Variants in NEGR1 observed in about 807,000 individuals in gnomAD.
The protein encoded by NEGR1 is IgLON family member 4.
A neutral mutation model predicts 40.9 loss-of-function variants in NEGR1; 10 were observed. The observed-to-expected ratio is 0.24, with a 90% CI of 0.15 to 0.42. The LOEUF (loss-of-function observed/expected upper bound fraction) is 0.42. Among genes scored for constraint, NEGR1 ranks in the 10% least tolerant of loss-of-function variants. The probability of loss-of-function intolerance (pLI) is 1.00; values close to 1 mark genes in which losing one functional copy is unlikely to be tolerated. For synonymous variants in NEGR1, 185 were observed against 166.8 expected, an observed-to-expected ratio of 1.11 and a Z score of -0.84; for missense variants, 352 against 438.9, an observed-to-expected ratio of 0.80 and a Z score of 1.77.
At chr1:72,191,481 A>G (rs962665800) in intron 1 of NEGR1, among the ~76,000 whole-genome samples, 2 of 151,800 alleles carry the variant, frequency 1.3e-5, no homozygotes, top group Non-Finnish European at 2.9e-5. Flanking sequence ...GCTTACTTCA[A>G]CTGGTTTTTG....
intron 1 of NEGR1, among the ~76,000 whole-genome samples, chr1:72,210,110 C>A (rs1166802083): frequency 6.6e-6 from 1 of 151,856 alleles, no homozygotes; most frequent in Non-Finnish European, 1.5e-5. Flanking sequence ...TCCAACTGTG[C>A]TCCATGGTGT....
intron 4 of NEGR1, among the ~76,000 whole-genome samples, chr1:71,624,691 T>A (rs551902456): frequency 6.6e-6 from 1 of 151,910 alleles, no homozygotes; most frequent in Non-Finnish European, 1.5e-5. Context: ...CCCTCAGATA[T>A]TGACATGTCG....
intron 3 of NEGR1, among the ~76,000 whole-genome samples, chr1:71,725,521 CAAGT>C (rs1388021235): frequency 2.0e-5 from 3 of 152,026 alleles, no homozygotes; most frequent in Admixed American, 1.3e-4. Flanking sequence ...AGTTGCATCA[CAAGT>C]AAGAAGCGTA....
intron 1 of NEGR1, among the ~76,000 whole-genome samples, chr1:72,154,207 CAATT>C (rs1223032253): frequency 1.3e-5 from 2 of 151,616 alleles, no homozygotes; most frequent in African/African-American, 4.8e-5. Flanking sequence ...AAGAGGGAGA[CAATT>C]AAGACACAGA....
At chr1:72,150,762 A>G (rs1651096094) in intron 1 of NEGR1, among the ~76,000 whole-genome samples, 1 of 152,160 alleles carries the variant, frequency 6.6e-6, no homozygotes, top group Admixed American at 6.5e-5. Flanking sequence ...ATTACAGTCT[A>G]TAATATGAGA....
In NEGR1 at chr1:71,707,514, C is replaced by T. The variant is rs565937354; in HGVS notation, c.536-9375G>A. Among the ~76,000 whole-genome samples the T allele has an allele frequency of 7.2e-5, 11 of 152,262 alleles. No homozygotes were observed. The South Asian group carries it at 2.1e-3, about 29-fold the overall frequency. On this transcript the variant is annotated intron_variant, in intron 3 of 6. Coordinates refer to ENST00000357731, the MANE Select transcript of NEGR1 (RefSeq NM_173808.3). ...AAGATCAGGTATACTTCTAAGGTTT[C>T]TGACTCTAGTCCCTGACTCTCAGAT...
At chr1:72,088,472 T>C (rs1294908269) in intron 1 of NEGR1, among the ~76,000 whole-genome samples, 1 of 152,156 alleles carries the variant, frequency 6.6e-6, no homozygotes, top group African/African-American at 2.4e-5. Context: ...AAGAGCCTTA[T>C]TCACCTCAGA....
chr1:72,167,006 T>C (rs552958991), intron 1 of NEGR1, among the ~76,000 whole-genome samples: 8 of 152,108 alleles, frequency 5.3e-5, no homozygotes, highest in Non-Finnish European at 1.2e-4. Flanking sequence ...TCAAGTGAAA[T>C]GATTTGCCTA....
chr1:71,551,382 G>A (rs991980238), intron 6 of NEGR1, among the ~76,000 whole-genome samples: 11 of 151,530 alleles, frequency 7.3e-5, no homozygotes, highest in African/African-American at 2.7e-4. Context: ...GGCATATTCA[G>A]ACAGCCATAC....
At chr1:71,419,001 A>G (rs1303925785) in intron 6 of NEGR1, among the ~76,000 whole-genome samples, 2 of 152,190 alleles carry the variant, frequency 1.3e-5, no homozygotes, top group Non-Finnish European at 1.5e-5. Context: ...AGCTATTGCT[A>G]TGACAACTGG....
chr1:71,462,433 T>C (rs1196622710), intron 6 of NEGR1, among the ~76,000 whole-genome samples: 1 of 152,120 alleles, frequency 6.6e-6, no homozygotes, highest in African/African-American at 2.4e-5. Flanking sequence ...GTTCTCAAGG[T>C]AGTTCCCTTT....
chr1:71,776,082 G>GT (rs1455250335), intron 3 of NEGR1, 90 bp downstream of exon 3: 16 of 815,324 alleles, frequency 2.0e-5, no homozygotes, highest in Non-Finnish European at 2.4e-5. Context: ...AAAAAATTAA[G>GT]TTGACTCTTA....
intron 1 of NEGR1, among the ~76,000 whole-genome samples, chr1:72,004,196 A>G (rs1230976745): frequency 6.6e-6 from 1 of 151,970 alleles, no homozygotes; most frequent in Admixed American, 6.6e-5. Context: ...ATATATATAT[A>G]CACACACACA....
chr1:71,999,819 C>T (rs1420298144), intron 1 of NEGR1, among the ~76,000 whole-genome samples: 2 of 150,564 alleles, frequency 1.3e-5, no homozygotes, highest in African/African-American at 4.9e-5. Flanking sequence ...TAAAACCCAG[C>T]CTTAGGTTTA....
intron 6 of NEGR1, among the ~76,000 whole-genome samples, chr1:71,587,125 T>C (rs984776583): frequency 9.2e-5 from 14 of 152,076 alleles, no homozygotes; most frequent in Non-Finnish European, 1.5e-4. Flanking sequence ...CATTCACATC[T>C]GTGGTATCAC....
intron 3 of NEGR1, among the ~76,000 whole-genome samples, chr1:71,745,103 CTCTT>C (rs1029023321): frequency 1.3e-5 from 2 of 152,150 alleles, no homozygotes; most frequent in African/African-American, 4.8e-5. Flanking sequence ...TAAAACTTCT[CTCTT>C]TTTTTGAGGT....
At chr1:71,862,846 GA>G (rs1179222617) in intron 2 of NEGR1, among the ~76,000 whole-genome samples, 3 of 152,056 alleles carry the variant, frequency 2.0e-5, no homozygotes, top group Admixed American at 1.3e-4. Flanking sequence ...CATATGAAAA[GA>G]AGGTCAACGT....
At chr1:71,903,799 A>G (rs1443417921) in intron 2 of NEGR1, among the ~76,000 whole-genome samples, 3 of 151,774 alleles carry the variant, frequency 2.0e-5, no homozygotes, top group East Asian at 1.9e-4. Flanking sequence ...CATCTTCCTT[A>G]TATATCAACC....
intron 1 of NEGR1, among the ~76,000 whole-genome samples, chr1:72,191,601 G>C (rs1652822671): frequency 2.6e-5 from 4 of 151,806 alleles, no homozygotes. Flanking sequence ...CTCCCTGATA[G>C]AGACTGTTTT....
Sources: allele counts gnomAD v4.1 joint callset (sites outside exome capture counted in the v4.1 genomes callset), GRCh38; gene constraint gnomAD v4.1.1; transcripts MANE v1.5; gene names NCBI Gene and HGNC (gene_info 2026-07-23, HGNC 2026-07-21).